Variants in ENGASE observed in about 807,000 individuals in gnomAD.
ENGASE encodes endo-beta-N-acetylglucosaminidase.
In ENGASE, 69 loss-of-function variants were observed where a neutral mutation model predicts 78.5. That is an observed-to-expected ratio of 0.88 (90% CI 0.72 to 1.07). The LOEUF (loss-of-function observed/expected upper bound fraction) is 1.07, where lower values mean the gene tolerates loss of function less well. Among genes scored for constraint, ENGASE ranks in the 50% least tolerant of loss-of-function variants. ENGASE has a pLI of 0.00. For synonymous variants in ENGASE, 408 were observed against 408.9 expected, an observed-to-expected ratio of 1.00 and a Z score of 0.03; for missense variants, 943 against 988.4, an observed-to-expected ratio of 0.95 and a Z score of 0.62.
chr17:79,079,159 CTG>C (rs1362524157), intron 3 of ENGASE, among the ~76,000 whole-genome samples: 2 of 152,088 alleles, frequency 1.3e-5, no homozygotes, highest in African/African-American at 2.4e-5. Context: ...GGACCTGACT[CTG>C]TTTCTTTTTT....
At chr17:79,076,255 T>C (rs1281464348) in intron 1 of ENGASE, among the ~76,000 whole-genome samples, 1 of 152,232 alleles carries the variant, frequency 6.6e-6, no homozygotes, top group African/African-American at 2.4e-5. Flanking sequence ...GGTGTCTTCT[T>C]ACTGCTCCTA....
chr17:79,083,388 G>A lies in ENGASE; in HGVS notation c.1143-94G>A, dbSNP rs748135381. ...TGGAAGTCCTGTCTTGGAGGGTGCA[G>A]GAGAGCCTCGAGTTTCCACCAGCAA... On this transcript the variant is annotated intron_variant, in intron 8 of 13. Coordinates refer to ENST00000579016, the MANE Select transcript of ENGASE (RefSeq NM_001042573.3). The surrounding 1 kb of genome is among the most constrained non-coding windows in gnomAD (Gnocchi z 4.9). 2.6e-4 allele frequency: 248 copies of A among 942,178 alleles called. 2 individuals carry two copies. The highest frequency in any genetic ancestry group is 3.8e-4 in the Non-Finnish European group (232 of 604,886). 58.4% of individuals were successfully genotyped at this position (942,178 alleles called of 1,614,324 possible).
Position 79,079,691 on chromosome 17 carries a change from A to AG in ENGASE, c.565+58dup. Reference sequence around the variant, plus strand: ...AGCCAGACTCCTCAGCTCACCAGCCAGGGGACCCCGTGATTAGGAGGCACG... The same window carrying AG: ...AGCCAGACTCCTCAGCTCACCAGCCAGGGGGACCCCGTGATTAGGAGGCACG... On this transcript the variant is annotated intron_variant, in intron 4 of 13. Transcript: ENST00000579016. 7 of 1,582,726 alleles carry AG rather than the reference A, an allele frequency of 4.4e-6. 1 individual carries two copies. In the South Asian group the frequency reaches 8.1e-5, roughly 18 times the overall value.
intron 12 of ENGASE, 37 bp from the exon 13 acceptor site, chr17:79,085,583 C>T: frequency 6.2e-7 from 1 of 1,609,228 alleles, no homozygotes; most frequent in Non-Finnish European, 8.5e-7. Flanking sequence ...AGCCTCTGGG[C>T]TGAGCCCGGC....
Position 79,084,959 on chromosome 17 carries a change from TTGC to T in ENGASE, c.1592-269_1592-267del, listed in dbSNP as rs139696958. ...TCCCAGAGACCTGAGCTGCACAGCC[TTGC>T]TGCTGGCCGTGGCGTGGAGAGGGGC... On this transcript the variant is annotated intron_variant, in intron 11 of 13. Transcript: ENST00000579016. 7.1e-4 allele frequency among the ~76,000 whole-genome samples: 108 copies of T among 152,242 alleles called. 1 individual carries two copies. In the South Asian group the frequency reaches 0.015, roughly 21 times the overall value.
chr17:79,083,669 G>A lies in ENGASE; in HGVS notation c.1251+79G>A. ...GGGAGGAGCCTGGGACTTGCCAGCA[G>A]GCACGGTGGTGGTCTTACCCTTCCC... On this transcript the variant is annotated intron_variant, in intron 9 of 13. Transcript: ENST00000579016. The surrounding 1 kb of genome is among the most constrained non-coding windows in gnomAD (Gnocchi z 4.9). 2 of 1,569,310 alleles carry A rather than the reference G, an allele frequency of 1.3e-6. No individual in the cohort carries two copies. Among genetic ancestry groups the A allele is most frequent in the East Asian group, 4.5e-5 (2 of 44,558 alleles).
At chr17:79,082,251 C>T (rs1358763386) in intron 7 of ENGASE, 188 bp downstream of exon 7, 2 of 1,533,834 alleles carry the variant, frequency 1.3e-6, no homozygotes, top group Non-Finnish European at 1.8e-6. Context: ...CACTGAAACC[C>T]CTTTCCCGGC....
Position 79,086,032 on chromosome 17 carries a change from C to T in ENGASE, c.1915C>T (p.Pro639Ser), listed in dbSNP as rs201781824. 1.5e-4 allele frequency: 245 copies of T among 1,612,900 alleles called. No homozygotes were observed. Among genetic ancestry groups the T allele is most frequent in the South Asian group, 2.4e-4 (22 of 91,088 alleles). Residue 639 changes from proline to serine, a missense_variant, in exon 14 of 14, where the codon CCC becomes TCC. Coordinates refer to ENST00000579016, the MANE Select transcript of ENGASE (RefSeq NM_001042573.3). ...WQPSASEREG[P>S]PALLQLSCTL... ...GCCATCCGCCTCTGAGCGGGAGGGGCCCCCTGCTCTGCTCCAGCTCAGCTG... is the reference window on the plus strand; with the variant it reads ...GCCATCCGCCTCTGAGCGGGAGGGGTCCCCTGCTCTGCTCCAGCTCAGCTG...
intron 7 of ENGASE, chr17:79,082,641 C>T: frequency 1.5e-6 from 2 of 1,298,230 alleles, no homozygotes; most frequent in Non-Finnish European, 2.0e-6. Flanking sequence ...GGGATGTTCT[C>T]AGCCCTTAAT....
At chr17:79,078,674 G>A (rs1037555101) in intron 3 of ENGASE, among the ~76,000 whole-genome samples, 2 of 152,230 alleles carry the variant, frequency 1.3e-5, no homozygotes, top group African/African-American at 4.8e-5. Context: ...GCTTTTAAAT[G>A]TCCATAAAAC....
At chr17:79,078,929 G>A (rs62063822) in intron 3 of ENGASE, among the ~76,000 whole-genome samples, 6 of 152,122 alleles carry the variant, frequency 3.9e-5, no homozygotes, top group Non-Finnish European at 7.4e-5. Context: ...TGGCTCACAG[G>A]GGGTAGCAGT....
chr17:79,080,129 G>T, intron 4 of ENGASE, 78 bp from the exon 5 acceptor site: 2 of 1,501,832 alleles, frequency 1.3e-6, no homozygotes, highest in East Asian at 2.3e-5. Flanking sequence ...CTGCTGGTTC[G>T]AGAACCTCGC....
Position 79,081,222 on chromosome 17 carries a change from G to A in ENGASE, c.872+149G>A, listed in dbSNP as rs904533002. The A allele has an allele frequency of 2.5e-4, 272 of 1,093,410 alleles. 1 individual carries two copies. The African/African-American group carries it at 3.9e-3, about 16-fold the overall frequency. 67.7% of individuals were successfully genotyped at this position (1,093,410 alleles called of 1,614,324 possible). ...TTGGGTAAAAAGAGGGAGAAGGTGG[G>A]CCAGGCGCAGTGGCTCATGTCTGTA... is the stretch of plus-strand genomic sequence containing the variant. On this transcript the variant is annotated intron_variant, in intron 6 of 13. Transcript: ENST00000579016.
chr17:79,087,202 C>CT lies in ENGASE; in HGVS notation c.*853_*854insT. 1 of 372,580 alleles carries CT rather than the reference C, an allele frequency of 2.7e-6. No homozygotes were observed. The highest frequency in any genetic ancestry group is 7.4e-5 in the East Asian group (1 of 13,570). The allele number at this position is 372,580 out of a possible 1,614,324, so 23.1% of individuals were successfully genotyped here. A position where few individuals can be genotyped will look rare whatever the true frequency, so the allele number is the denominator to read the frequency against. On this transcript the variant is annotated 3_prime_UTR_variant, in exon 14 of 14. Transcript: ENST00000579016. ...GTAGCAGGTCAGTCCAGGCAGGAAG[C>CT]AGCACCTGCCCCCCGCGCCAGCCCA...
In ENGASE at chr17:79,083,069, C is replaced by T; in HGVS notation, c.1088C>T (p.Pro363Leu). Residue 363 changes from proline (P) to leucine (L), a missense_variant, in exon 8 of 14, where the codon CCC becomes CTC. Coordinates refer to ENST00000579016, the MANE Select transcript of ENGASE (RefSeq NM_001042573.3). This position sits in a 1 kb window ranked among gnomAD's most constrained non-coding sequence, Gnocchi z 4.9. ...KHGFSVALFA[P>L]GWVYECLEKK... ...GGCTTCTCCGTGGCTTTGTTTGCCC[C>T]CGGCTGGGTGTATGAGTGTCTGGAG... The T allele has an allele frequency of 6.2e-7, 1 of 1,614,054 alleles. No individual in the cohort carries two copies. Among genetic ancestry groups the T allele is most frequent in the South Asian group, 1.1e-5 (1 of 91,064 alleles).
intron 2 of ENGASE, 77 bp downstream of exon 2, chr17:79,077,574 T>C: frequency 6.4e-7 from 1 of 1,568,104 alleles, no homozygotes; most frequent in Non-Finnish European, 8.7e-7. Flanking sequence ...CTGCCCCCTC[T>C]CATGTTCCTT....
intron 7 of ENGASE, 177 bp downstream of exon 7, chr17:79,082,240 C>T (rs2073163063): frequency 1.3e-6 from 2 of 1,540,996 alleles, no homozygotes; most frequent in Non-Finnish European, 1.7e-6. Context: ...AGCTATGTCC[C>T]CACTGAAACC....
At chr17:79,082,109 CT>C in intron 7 of ENGASE, 46 bp downstream of exon 7, 3 of 1,614,014 alleles carry the variant, frequency 1.9e-6, no homozygotes, top group South Asian at 1.1e-5. Flanking sequence ...AGTGCCTCCC[CT>C]GGGACCTCAT....
At position 79,077,655 on chromosome 17, in the gene ENGASE, C is replaced by T. The variant is rs189158949; in HGVS notation, c.215-8C>T. Reference sequence around the variant, plus strand: ...ATTAATTGCTCAATGTTTCTGTCCTCGGACCAGTTAGATATTATGACAAGG... The same window carrying T: ...ATTAATTGCTCAATGTTTCTGTCCTTGGACCAGTTAGATATTATGACAAGG... On this transcript the variant is annotated splice_region_variant and splice_polypyrimidine_tract_variant and intron_variant, in intron 2 of 13. Transcript: ENST00000579016. 8.1e-3 allele frequency: 13,001 copies of T among 1,613,848 alleles called. 77 individuals carry two copies. The highest frequency in any genetic ancestry group is 9.4e-3 in the Non-Finnish European group (11,048 of 1,179,822).
Sources: allele counts gnomAD v4.1 joint callset (sites outside exome capture counted in the v4.1 genomes callset), GRCh38; gene constraint gnomAD v4.1.1; non-coding constraint Gnocchi (gnomAD v3.1); transcripts MANE v1.5; gene names NCBI Gene and HGNC (gene_info 2026-07-23, HGNC 2026-07-21).